The following KCNT2 variants were observed in gnomAD, a reference collection of about 807,000 sequenced individuals.
KCNT2 encodes the protein potassium sodium-activated channel subfamily T member 2.
In KCNT2, 67 loss-of-function variants were observed where a neutral mutation model predicts 153.8. The ratio of observed to expected loss-of-function variants is 0.44; its 90% CI spans 0.36 to 0.53. The LOEUF (loss-of-function observed/expected upper bound fraction) is 0.53. Ranked by LOEUF, KCNT2 falls within the 20% of genes least tolerant of loss-of-function variation. The pLI, the probability that KCNT2 is intolerant of heterozygous loss-of-function variation, is 0.00. For synonymous variants in KCNT2, 500 were observed against 458.8 expected, an observed-to-expected ratio of 1.09 and a Z score of -1.15; for missense variants, 975 against 1,354.8, an observed-to-expected ratio of 0.72 and a Z score of 4.40.
At chr1:196,344,143 A>G (rs1374197268) in intron 14 of KCNT2, among the ~76,000 whole-genome samples, 1 of 152,170 alleles carries the variant, frequency 6.6e-6, no homozygotes, top group Non-Finnish European at 1.5e-5. Context: ...TCAGTGACAA[A>G]CAGTATCAGC....
intron 13 of KCNT2, among the ~76,000 whole-genome samples, chr1:196,384,062 T>G (rs1441852956): frequency 6.6e-6 from 1 of 152,204 alleles, no homozygotes; most frequent in Non-Finnish European, 1.5e-5. Flanking sequence ...GGGAACTATG[T>G]GAGGTGATGG....
chr1:196,540,672 T>C (rs1419467455), intron 1 of KCNT2, among the ~76,000 whole-genome samples: 1 of 152,186 alleles, frequency 6.6e-6, no homozygotes. Flanking sequence ...TAAAAACCTA[T>C]GTATAAAAAT....
intron 8 of KCNT2, among the ~76,000 whole-genome samples, chr1:196,463,118 GC>G (rs1237681161): frequency 1.8e-4 from 28 of 151,730 alleles, no homozygotes; most frequent in Non-Finnish European, 2.2e-4. Flanking sequence ...GCAGTATCAA[GC>G]TGGGGAAACA....
chr1:196,564,625 A>G (rs947339080), intron 1 of KCNT2, among the ~76,000 whole-genome samples: 8 of 152,006 alleles, frequency 5.3e-5, no homozygotes, highest in African/African-American at 1.9e-4. Context: ...TAATCAAAAC[A>G]GCATAGTACT....
intron 10 of KCNT2, 130 bp from the exon 11 acceptor site, chr1:196,426,118 C>A: frequency 1.5e-6 from 1 of 688,188 alleles, no homozygotes; most frequent in Non-Finnish European, 2.4e-6. Flanking sequence ...AATAAAATTT[C>A]ACATTTAAAA....
At chr1:196,244,289 G>C (rs760281162) in intron 26 of KCNT2, among the ~76,000 whole-genome samples, 2 of 152,242 alleles carry the variant, frequency 1.3e-5, no homozygotes, top group South Asian at 2.1e-4. Context: ...GTTATAGCAA[G>C]AGATTCCTTA....
At chr1:196,343,010 G>C (rs988506456) in intron 14 of KCNT2, 3 of 152,162 alleles carry the variant, frequency 2.0e-5, no homozygotes, top group Admixed American at 2.0e-4. Context: ...TTCCCGCCAT[G>C]TGAAAATACA....
At chr1:196,363,077 G>A (rs186160453) in intron 14 of KCNT2, among the ~76,000 whole-genome samples, 1 of 151,954 alleles carries the variant, frequency 6.6e-6, no homozygotes, top group Non-Finnish European at 1.5e-5. Flanking sequence ...TTGCCTAATG[G>A]TGACTTCATA....
chr1:196,302,304 T>C (rs981351495), intron 22 of KCNT2, among the ~76,000 whole-genome samples: 1 of 152,120 alleles, frequency 6.6e-6, no homozygotes, highest in Non-Finnish European at 1.5e-5. Context: ...TTAGCTGTCA[T>C]ACCAGTAAAT....
intron 25 of KCNT2, among the ~76,000 whole-genome samples, chr1:196,278,393 T>C (rs1278056293): frequency 1.3e-5 from 2 of 152,170 alleles, no homozygotes; most frequent in East Asian, 1.9e-4. Flanking sequence ...AGAAGATGGA[T>C]TGAATTCAGT....
At position 196,282,436 on chromosome 1, in the gene KCNT2, G is replaced by A. The variant is rs1035206769; in HGVS notation, c.2698-80C>T. 1.0e-4 allele frequency: 66 copies of A among 654,726 alleles called. No individual in the cohort carries two copies. In the African/African-American group the frequency reaches 1.2e-3, roughly 11 times the overall value. 40.6% of individuals were successfully genotyped at this position (654,726 alleles called of 1,614,324 possible). A position where few individuals can be genotyped will look rare whatever the true frequency, so the allele number is the denominator to read the frequency against. On this transcript the variant is annotated intron_variant, in intron 23 of 27. Coordinates refer to ENST00000294725, the MANE Select transcript of KCNT2 (RefSeq NM_198503.5). ...TGAGATGTGTAGAACAGCTAAAAGTGTGAACATCTGACTTCTAAAAGATTA... is the reference window on the plus strand; with the variant it reads ...TGAGATGTGTAGAACAGCTAAAAGTATGAACATCTGACTTCTAAAAGATTA...
chr1:196,360,766 G>C (rs960710971), intron 14 of KCNT2, among the ~76,000 whole-genome samples: 1 of 152,024 alleles, frequency 6.6e-6, no homozygotes, highest in Non-Finnish European at 1.5e-5. Flanking sequence ...ACCAAACATT[G>C]ATCTCGGACT....
intron 1 of KCNT2, among the ~76,000 whole-genome samples, chr1:196,499,604 A>G (rs1270447954): frequency 1.3e-5 from 2 of 152,220 alleles, no homozygotes; most frequent in Non-Finnish European, 2.9e-5. Context: ...TCCTTATGTT[A>G]TAACATCTGA....
At chr1:196,527,650 T>A (rs1365138964) in intron 1 of KCNT2, among the ~76,000 whole-genome samples, 1 of 152,182 alleles carries the variant, frequency 6.6e-6, no homozygotes, top group East Asian at 1.9e-4. Context: ...GTTGCATATA[T>A]TTCTAGCATA....
At chr1:196,238,918 A>G (rs985621821) in intron 26 of KCNT2, among the ~76,000 whole-genome samples, 5 of 151,992 alleles carry the variant, frequency 3.3e-5, no homozygotes, top group Admixed American at 6.6e-5. Context: ...AGTTTCTATT[A>G]GCCATGATCC....
intron 1 of KCNT2, among the ~76,000 whole-genome samples, chr1:196,512,842 T>C (rs990409841): frequency 6.6e-6 from 1 of 152,150 alleles, no homozygotes; most frequent in Non-Finnish European, 1.5e-5. Context: ...TTTCACATCA[T>C]TGAAAGTACT....
intron 10 of KCNT2, 53 bp from the exon 11 acceptor site, chr1:196,426,041 A>G (rs1673630488): frequency 2.3e-5 from 31 of 1,360,570 alleles, no homozygotes; most frequent in Non-Finnish European, 3.0e-5. Context: ...TTTATGTTAC[A>G]CTACATAGAA....
intron 14 of KCNT2, among the ~76,000 whole-genome samples, chr1:196,369,298 A>G (rs1460842440): frequency 1.3e-5 from 2 of 152,098 alleles, no homozygotes; most frequent in Admixed American, 6.6e-5. Context: ...GATTTTTTCT[A>G]AAGAATAAAT....
At chr1:196,414,901 G>A (rs765533886) in intron 12 of KCNT2, among the ~76,000 whole-genome samples, 13 of 151,890 alleles carry the variant, frequency 8.6e-5, no homozygotes, top group Non-Finnish European at 1.9e-4. Context: ...GACACTGGCT[G>A]TGTACTGGAA....
Sources: allele counts gnomAD v4.1 joint callset (sites outside exome capture counted in the v4.1 genomes callset), GRCh38; gene constraint gnomAD v4.1.1; transcripts MANE v1.5; gene names NCBI Gene and HGNC (gene_info 2026-07-23, HGNC 2026-07-21).